FAM227B: variants seen among roughly 807,000 people sequenced by gnomAD.
FAM227B encodes the protein family with sequence similarity 227 member B, also known as protein FAM227B.
Under a neutral mutation model 73.8 loss-of-function variants are expected in FAM227B, and 88 were observed. That is an observed-to-expected ratio of 1.19 (90% CI 1.00 to 1.42). The LOEUF (loss-of-function observed/expected upper bound fraction) is 1.42. Ranked by LOEUF, FAM227B falls within the 40% of genes most tolerant of loss-of-function variation. FAM227B has a pLI of 0.00. For synonymous variants in FAM227B, 210 were observed against 190.5 expected, an observed-to-expected ratio of 1.10 and a Z score of -0.84; for missense variants, 632 against 590.9, an observed-to-expected ratio of 1.07 and a Z score of -0.72.
chr15:49,504,598 T>TAAAGTTTAAAAAAAAAAAGTGTG (rs2058432575), intron 11 of FAM227B, among the ~76,000 whole-genome samples: 1 of 152,028 alleles, frequency 6.6e-6, no homozygotes, highest in Non-Finnish European at 1.5e-5. Flanking sequence ...ATGTGCATGT[T>TAAAGTTTAAAAAAAAAAAGTGTG]AAAGTTTAAA....
At chr15:49,432,140 T>G (rs373066326) in intron 11 of FAM227B, among the ~76,000 whole-genome samples, 40 of 151,876 alleles carry the variant, frequency 2.6e-4, no homozygotes, top group African/African-American at 9.6e-4. Flanking sequence ...ATTTGTTATA[T>G]TCTATTGTAA....
intron 13 of FAM227B, among the ~76,000 whole-genome samples, chr15:49,344,927 C>A (rs370425522): frequency 9.8e-4 from 150 of 152,294 alleles, no homozygotes; most frequent in Non-Finnish European, 1.7e-3. Context: ...GAATATTATT[C>A]TTCTTGTAGA....
At chr15:49,601,716 T>G (rs2077216323) in intron 3 of FAM227B, among the ~76,000 whole-genome samples, 1 of 152,216 alleles carries the variant, frequency 6.6e-6, no homozygotes, top group South Asian at 2.1e-4. Context: ...TATTGTGCTA[T>G]CAATACTTGG....
At chr15:49,424,777 A>C in intron 11 of FAM227B, 1 of 435,032 alleles carries the variant, frequency 2.3e-6, no homozygotes, top group South Asian at 6.1e-5. Flanking sequence ...ATCTACTTAC[A>C]TTATAGTTGG....
At chr15:49,407,682 A>T (rs2072992426) in intron 11 of FAM227B, among the ~76,000 whole-genome samples, 1 of 147,998 alleles carries the variant, frequency 6.8e-6, no homozygotes, top group Admixed American at 6.8e-5. Context: ...TAGTACTAAT[A>T]TATATATAAT....
intron 11 of FAM227B, among the ~76,000 whole-genome samples, chr15:49,394,749 G>C (rs549763596): frequency 1.3e-5 from 2 of 152,126 alleles, no homozygotes; most frequent in South Asian, 4.1e-4. Context: ...AGGAAGAAAG[G>C]ACTTCAGTGA....
intron 9 of FAM227B, among the ~76,000 whole-genome samples, chr15:49,544,860 G>C (rs2071597323): frequency 6.6e-6 from 1 of 152,140 alleles, no homozygotes; most frequent in Admixed American, 6.6e-5. Context: ...AAACATACTT[G>C]ATCGTGGTGT....
chr15:49,498,962 C>T (rs56978391), intron 11 of FAM227B, among the ~76,000 whole-genome samples: 4 of 151,318 alleles, frequency 2.6e-5, no homozygotes, highest in African/African-American at 4.9e-5. Flanking sequence ...GTCAGGAGAT[C>T]GAGACCATCC....
chr15:49,367,481 G>A lies in FAM227B; in HGVS notation c.1238C>T (p.Thr413Ile). The A allele has an allele frequency of 6.3e-7, 1 of 1,598,672 alleles. No individual in the cohort carries two copies. The highest frequency in any genetic ancestry group is 8.5e-7 in the Non-Finnish European group (1 of 1,176,466). Residue 413 changes from threonine to isoleucine, a missense_variant, in exon 13 of 16, where the codon ACC becomes ATC. Thr to Ile is a moderately conservative substitution (Grantham distance 89). Transcript: ENST00000299338. ...LAGISKAPKK[T>I]KIKLTKIFQE... ...GAATATCTTAGTGAGTTTAATCTTG[G>A]TTTTCTTAGGTGCTTTGGAAATACC...
chr15:49,451,183 A>G (rs892107328), intron 11 of FAM227B, among the ~76,000 whole-genome samples: 1 of 152,158 alleles, frequency 6.6e-6, no homozygotes, highest in African/African-American at 2.4e-5. Flanking sequence ...ATACTTACAT[A>G]TAAAATAAAT....
chr15:49,572,535 T>G (rs2152364790), intron 8 of FAM227B, among the ~76,000 whole-genome samples: 1 of 152,228 alleles, frequency 6.6e-6, no homozygotes, highest in South Asian at 2.1e-4. Context: ...GAACTCAATA[T>G]ATTAACAATG....
chr15:49,520,524 AG>A (rs2059705434), intron 10 of FAM227B, among the ~76,000 whole-genome samples: 1 of 152,168 alleles, frequency 6.6e-6, no homozygotes. Context: ...TAAATTATAA[AG>A]AAAAAGGAGG....
intron 9 of FAM227B, among the ~76,000 whole-genome samples, chr15:49,562,019 T>TGA (rs571837085): frequency 2.4e-3 from 360 of 152,094 alleles, no homozygotes; most frequent in African/African-American, 8.2e-3. Flanking sequence ...TTAATGAAGT[T>TGA]GAGACCCAGA....
At chr15:49,602,077 C>T (rs1598485625) in intron 3 of FAM227B, among the ~76,000 whole-genome samples, 1 of 152,160 alleles carries the variant, frequency 6.6e-6, no homozygotes, top group African/African-American at 2.4e-5. Flanking sequence ...CTAATCTTAG[C>T]TATTGTGAAC....
intron 11 of FAM227B, among the ~76,000 whole-genome samples, chr15:49,482,915 G>T (rs920139031): frequency 1.4e-4 from 21 of 151,822 alleles, no homozygotes; most frequent in Non-Finnish European, 2.4e-4. Context: ...CTATTTATTT[G>T]ATACAGACAC....
intron 11 of FAM227B, among the ~76,000 whole-genome samples, chr15:49,461,087 T>C (rs1246554186): frequency 1.3e-5 from 2 of 152,188 alleles, no homozygotes; most frequent in Admixed American, 1.3e-4. Flanking sequence ...TTCCTTCTAG[T>C]ATGTTTCTCC....
intron 6 of FAM227B, chr15:49,577,158 G>A (rs181457246): frequency 3.6e-6 from 1 of 280,524 alleles, no homozygotes; most frequent in Non-Finnish European, 7.0e-6. Context: ...TTAGCTGGGC[G>A]TGGTGGCACG....
At chr15:49,508,561 A>G (rs755647066) in intron 10 of FAM227B, among the ~76,000 whole-genome samples, 4 of 152,082 alleles carry the variant, frequency 2.6e-5, no homozygotes, top group South Asian at 2.1e-4. Flanking sequence ...AACATAAATT[A>G]TTTTGAAATA....
chr15:49,360,416 G>T (rs994032149), intron 13 of FAM227B, among the ~76,000 whole-genome samples: 11 of 151,976 alleles, frequency 7.2e-5, no homozygotes, highest in Admixed American at 4.6e-4. Flanking sequence ...TCTTTTTAAC[G>T]AGACCCATAC....
Sources: gnomAD v4.1 joint callset for allele counts (sites outside exome capture counted in the v4.1 genomes callset) on GRCh38, gnomAD v4.1.1 for gene constraint, MANE v1.5 for transcripts, NCBI Gene and HGNC (gene_info 2026-07-23, HGNC 2026-07-21) for gene names.